The following TPRG1 variants were observed in gnomAD, a reference collection of about 807,000 sequenced individuals.
TPRG1 encodes tumor protein p63 regulated 1.
TPRG1 carries 29 observed loss-of-function variants against 29.3 expected under a neutral mutation model. The observed-to-expected ratio is 0.99, with a 90% confidence interval of 0.74 to 1.35. The LOEUF is 1.35. Ranked by LOEUF, TPRG1 falls within the 40% of genes most tolerant of loss-of-function variation. The probability of loss-of-function intolerance (pLI) is 0.00; values close to 1 mark genes in which losing one functional copy is unlikely to be tolerated. For missense variants in TPRG1, 327 were observed against 335.0 expected, an observed-to-expected ratio of 0.98 and a Z score of 0.19; for synonymous variants, 130 against 116.8, an observed-to-expected ratio of 1.11 and a Z score of -0.73.
At chr3:189,100,875 C>T (rs1274808404) in intron 1 of TPRG1, among the ~76,000 whole-genome samples, 1 of 152,186 alleles carries the variant, frequency 6.6e-6, no homozygotes, top group Non-Finnish European at 1.5e-5. Context: ...AAAGAAAATC[C>T]TGCCTTGTAC....
intron 4 of TPRG1, among the ~76,000 whole-genome samples, chr3:189,073,749 T>A (rs1049842057): frequency 1.2e-4 from 19 of 152,192 alleles, no homozygotes; most frequent in Admixed American, 3.3e-4. Flanking sequence ...TTTTGGTTTA[T>A]CCTTTCAATG....
Position 189,317,718 on chromosome 3 carries a change from ATGTCCCAG to A in TPRG1, c.634-2897_634-2890del, listed in dbSNP as rs1293253352. Among the ~76,000 whole-genome samples, 6 of 152,278 alleles carry A rather than the reference ATGTCCCAG, an allele frequency of 3.9e-5. No individual in the cohort carries two copies. The East Asian group carries it at 9.6e-4, about 24-fold the overall frequency. The stretch of plus-strand genomic sequence containing the variant: ...TTTTTCCCATGGGGGACATATGACA[ATGTCCCAG>A]TGTCCCAGTGAGATATTATCGGTTG... On this transcript the variant is annotated intron_variant, in intron 5 of 5. Transcript: ENST00000345063.
At chr3:189,312,378 A>C (rs1344963873) in intron 5 of TPRG1, among the ~76,000 whole-genome samples, 2 of 151,808 alleles carry the variant, frequency 1.3e-5, no homozygotes, top group African/African-American at 4.8e-5. Flanking sequence ...CAAGATAAAG[A>C]GCTTAATAAC....
chr3:189,151,459 A>G (rs1725921006), intron 5 of TPRG1, among the ~76,000 whole-genome samples: 1 of 152,118 alleles, frequency 6.6e-6, no homozygotes, highest in Non-Finnish European at 1.5e-5. Flanking sequence ...CTTCGTTGTA[A>G]GGTATTACTT....
chr3:189,133,626 G>A (rs1723368711), intron 3 of TPRG1, among the ~76,000 whole-genome samples: 1 of 152,128 alleles, frequency 6.6e-6, no homozygotes, highest in South Asian at 2.1e-4. Context: ...AGTTCCCTGA[G>A]GCCTCTTCAG....
chr3:189,054,071 A>T (rs77086494), intron 4 of TPRG1, among the ~76,000 whole-genome samples: 1,857 of 152,278 alleles, frequency 0.012, 36 homozygotes, highest in African/African-American at 0.041. Flanking sequence ...TGTTTTCAAC[A>T]TTCTTTTCTC....
intron 4 of TPRG1, among the ~76,000 whole-genome samples, chr3:189,037,363 T>C (rs771904153): frequency 2.1e-4 from 32 of 151,804 alleles, no homozygotes; most frequent in Non-Finnish European, 4.4e-4. Flanking sequence ...AATGTAACAG[T>C]AGTAATTTAC....
intron 2 of TPRG1, among the ~76,000 whole-genome samples, chr3:189,001,834 T>A (rs991057801): frequency 3.3e-5 from 5 of 152,174 alleles, no homozygotes; most frequent in African/African-American, 1.2e-4. Flanking sequence ...TCCATGACCC[T>A]TTCTGAGTGT....
At chr3:189,095,368 T>G (rs902956428), upstream of TPRG1, among the ~76,000 whole-genome samples, 2 of 152,132 alleles carry the variant, frequency 1.3e-5, no homozygotes, top group African/African-American at 4.8e-5. Context: ...GGCATGTCTC[T>G]TCCTTGCCCT....
chr3:189,260,671 C>T (rs948133125), intron 4 of TPRG1, among the ~76,000 whole-genome samples: 1 of 152,170 alleles, frequency 6.6e-6, no homozygotes. Flanking sequence ...TTTAAATTTG[C>T]ATTCTGCAAC....
intron 1 of TPRG1, among the ~76,000 whole-genome samples, chr3:189,104,790 A>G (rs1719619032): frequency 6.6e-6 from 1 of 151,936 alleles, no homozygotes; most frequent in Non-Finnish European, 1.5e-5. Context: ...TTTGGACAGT[A>G]TTGCTCTTTG....
At chr3:189,040,554 C>T (rs1206899762) in intron 4 of TPRG1, among the ~76,000 whole-genome samples, 1 of 151,986 alleles carries the variant, frequency 6.6e-6, no homozygotes, top group South Asian at 2.1e-4. Context: ...AGGCTCTTGG[C>T]ATCTCTCAGT....
At chr3:189,270,017 ATCTTCTTCTTCTTCT>A (rs72453037) in intron 4 of TPRG1, among the ~76,000 whole-genome samples, 10,331 of 148,770 alleles carry the variant, frequency 0.069, 819 homozygotes, top group African/African-American at 0.2. Context: ...TCTTCTCTGG[ATCTTCTTCTTCTTCT>A]TCTTCTTCTT....
intron 3 of TPRG1, among the ~76,000 whole-genome samples, chr3:189,237,962 T>C (rs1166850427): frequency 6.6e-6 from 1 of 152,234 alleles, no homozygotes; most frequent in East Asian, 1.9e-4. Flanking sequence ...TGGGGAATTA[T>C]GAACCATGTT....
intron 1 of TPRG1, among the ~76,000 whole-genome samples, chr3:189,204,947 TCACACA>T (rs35018569): frequency 8.8e-5 from 13 of 147,172 alleles, no homozygotes; most frequent in South Asian, 2.2e-4. Flanking sequence ...TCTCTCTCTC[TCACACA>T]CACACACACA....
At chr3:189,295,909 G>A (rs1719835645) in intron 4 of TPRG1, among the ~76,000 whole-genome samples, 1 of 38,752 alleles carries the variant, frequency 2.6e-5, no homozygotes, top group Non-Finnish European at 4.6e-5. Context: ...TTAAAATGAT[G>A]CTTTAAAAAA....
intron 1 of TPRG1, among the ~76,000 whole-genome samples, chr3:189,189,781 G>C (rs1354924364): frequency 6.6e-6 from 1 of 152,236 alleles, no homozygotes; most frequent in Non-Finnish European, 1.5e-5. Context: ...CAAATGGAGA[G>C]TTAGTTTTAG....
chr3:189,046,024 T>A (rs1578237780), intron 4 of TPRG1, among the ~76,000 whole-genome samples: 1 of 152,136 alleles, frequency 6.6e-6, no homozygotes, highest in Non-Finnish European at 1.5e-5. Context: ...GGATCCCGAG[T>A]GCAGGGCCTC....
chr3:189,099,212 T>A (rs1718904809), upstream of TPRG1, among the ~76,000 whole-genome samples: 1 of 152,188 alleles, frequency 6.6e-6, no homozygotes, highest in South Asian at 2.1e-4. Context: ...TGGCAGGCGT[T>A]GCCAGGCCTG....
Sources: gnomAD v4.1 joint callset for allele counts (sites outside exome capture counted in the v4.1 genomes callset) on GRCh38, gnomAD v4.1.1 for gene constraint, MANE v1.5 for transcripts, NCBI Gene and HGNC (gene_info 2026-07-23, HGNC 2026-07-21) for gene names.